The following SH3RF3 variants were observed in gnomAD, a reference collection of about 807,000 sequenced individuals.
SH3RF3 encodes the protein SH3 domain containing ring finger 3, also known as E3 ubiquitin-protein ligase SH3RF3.
In SH3RF3, 29 loss-of-function variants were observed where a neutral mutation model predicts 66.3. The ratio of observed to expected loss-of-function variants is 0.44; its 90% CI spans 0.33 to 0.60. The LOEUF (loss-of-function observed/expected upper bound fraction) is 0.60, where lower values mean the gene tolerates loss of function less well. Ranked by LOEUF, SH3RF3 falls within the 20% of genes least tolerant of loss-of-function variation. SH3RF3 has a pLI of 0.04. For missense variants in SH3RF3, 1,194 were observed against 1,190.9 expected, an observed-to-expected ratio of 1.00 and a Z score of -0.04; for synonymous variants, 583 against 532.0, an observed-to-expected ratio of 1.10 and a Z score of -1.32.
rs754333881 is a variant in SH3RF3, at chr2:109,347,976, G to A, written c.849+27G>A. On this transcript the variant is annotated intron_variant, in intron 2 of 9. Coordinates refer to ENST00000309415, the MANE Select transcript of SH3RF3 (RefSeq NM_001099289.3). ...TAAGGTGAGCCCCGGGGTGGGCCCC[G>A]CCAGCCCATGCAGCCTCTGTGCCAC... The A allele has an allele frequency of 7.0e-6, 11 of 1,569,150 alleles. No individual in the cohort carries two copies. The South Asian group carries it at 7.0e-5, about 10-fold the overall frequency.
rs72944076 is a variant in SH3RF3 at position 109,136,313 on chromosome 2, A to G, written c.573+6200A>G. Among the ~76,000 whole-genome samples, 1,474 of 152,246 alleles carry G rather than the reference A, an allele frequency of 9.7e-3. 22 individuals are homozygous for G. Among genetic ancestry groups the G allele is most frequent in the African/African-American group, 0.034 (1,392 of 41,544 alleles). On this transcript the variant is annotated intron_variant, in intron 1 of 9. Coordinates refer to ENST00000309415, the MANE Select transcript of SH3RF3 (RefSeq NM_001099289.3). Reference sequence around the variant, plus strand: ...GAAGAGGCCAAGGTCAATTTTTATCAGATTTGCCTTGCTTGGGAGATCTTC... The same window carrying G: ...GAAGAGGCCAAGGTCAATTTTTATCGGATTTGCCTTGCTTGGGAGATCTTC...
chr2:109,340,422 C>T (rs1387681250), intron 1 of SH3RF3, among the ~76,000 whole-genome samples: 1 of 152,136 alleles, frequency 6.6e-6, no homozygotes, highest in Non-Finnish European at 1.5e-5. Flanking sequence ...ATACCTCAAC[C>T]CTGAGGGTGA....
chr2:109,378,076 T>C (rs11687726), intron 3 of SH3RF3, among the ~76,000 whole-genome samples: 41,939 of 152,142 alleles, frequency 0.28, 6,727 homozygotes, highest in Non-Finnish European at 0.37. Context: ...AGGCGGGATG[T>C]GTTCAGGGAG....
intron 4 of SH3RF3, among the ~76,000 whole-genome samples, chr2:109,408,830 A>T (rs1458259933): frequency 6.6e-6 from 1 of 152,206 alleles, no homozygotes; most frequent in Non-Finnish European, 1.5e-5. Context: ...CTGGATGGAG[A>T]AGCCTCTGGC....
rs180728271 is a variant in SH3RF3 at position 109,423,319 on chromosome 2, C to T, written c.1403+3677C>T. Among the ~76,000 whole-genome samples the T allele has an allele frequency of 7.2e-5, 11 of 152,270 alleles. No individual in the cohort carries two copies. The East Asian group carries it at 1.3e-3, about 19-fold the overall frequency. On this transcript the variant is annotated intron_variant, in intron 5 of 9. Transcript: ENST00000309415. Reference sequence around the variant, plus strand: ...GGTGGTTGACACTGGTCATGTGAGACGTGCTCTCTGTCATGGCAGGGATGA... The same window carrying T: ...GGTGGTTGACACTGGTCATGTGAGATGTGCTCTCTGTCATGGCAGGGATGA...
At chr2:109,448,734 A>G (rs1364909982) in intron 7 of SH3RF3, among the ~76,000 whole-genome samples, 2 of 152,242 alleles carry the variant, frequency 1.3e-5, no homozygotes, top group East Asian at 3.8e-4. Context: ...AATAAAGTAC[A>G]TAACAAATGT....
chr2:109,336,243 G>A (rs547172214), intron 1 of SH3RF3, among the ~76,000 whole-genome samples: 38 of 152,346 alleles, frequency 2.5e-4, no homozygotes, highest in African/African-American at 9.1e-4. Flanking sequence ...GGGAAGAGGT[G>A]TCATGCTGGG....
At chr2:109,239,852 C>T (rs747645659) in intron 1 of SH3RF3, among the ~76,000 whole-genome samples, 11 of 152,270 alleles carry the variant, frequency 7.2e-5, no homozygotes, top group East Asian at 3.9e-4. Flanking sequence ...ACAGAATTTC[C>T]GACCGTCTCC....
intron 8 of SH3RF3, among the ~76,000 whole-genome samples, chr2:109,466,544 T>C (rs965897285): frequency 6.6e-6 from 1 of 152,256 alleles, no homozygotes; most frequent in African/African-American, 2.4e-5. Context: ...TCTCATTCTC[T>C]TGACAGTATC....
At chr2:109,327,795 G>A (rs1259456169) in intron 1 of SH3RF3, among the ~76,000 whole-genome samples, 1 of 152,336 alleles carries the variant, frequency 6.6e-6, no homozygotes, top group African/African-American at 2.4e-5. Context: ...TAGAAAAGCA[G>A]TTGACTTTTA....
chr2:109,130,679 C>G (rs568175613), intron 1 of SH3RF3, among the ~76,000 whole-genome samples: 2 of 152,190 alleles, frequency 1.3e-5, no homozygotes, highest in Non-Finnish European at 2.9e-5. Context: ...TGACCCAGCC[C>G]TTTTGGACTT....
chr2:109,278,499 A>G (rs1021881681), intron 1 of SH3RF3, among the ~76,000 whole-genome samples: 8 of 152,248 alleles, frequency 5.3e-5, no homozygotes, highest in Non-Finnish European at 7.3e-5. Context: ...ATGAGGCACA[A>G]GGATTCAGCA....
rs547369994 is a variant in SH3RF3 at position 109,498,929 on chromosome 2, C to T, written c.2481-2574C>T. Among the ~76,000 whole-genome samples, 4 of 152,184 alleles carry T rather than the reference C, an allele frequency of 2.6e-5. No individual in the cohort carries two copies. In the East Asian group the frequency reaches 5.8e-4, roughly 22 times the overall value. Reference sequence around the variant, plus strand: ...GCCCTGAGGTGGGTGCACCTGGGGTCGCTAGGGCGCGGCAGGGCAGAGCTG... The same window carrying T: ...GCCCTGAGGTGGGTGCACCTGGGGTTGCTAGGGCGCGGCAGGGCAGAGCTG... On this transcript the variant is annotated intron_variant, in intron 9 of 9. Coordinates refer to ENST00000309415, the MANE Select transcript of SH3RF3 (RefSeq NM_001099289.3).
At chr2:109,322,360 G>A (rs774360302) in intron 1 of SH3RF3, among the ~76,000 whole-genome samples, 4 of 152,198 alleles carry the variant, frequency 2.6e-5, no homozygotes, top group African/African-American at 4.8e-5. Flanking sequence ...AACATGTGCC[G>A]AAATGTTCCC....
intron 1 of SH3RF3, among the ~76,000 whole-genome samples, chr2:109,136,487 T>C (rs114346844): frequency 1.9e-3 from 283 of 152,274 alleles, no homozygotes; most frequent in South Asian, 9.1e-3. Context: ...GCCTCCCTTT[T>C]CCCATTGAGT....
intron 4 of SH3RF3, among the ~76,000 whole-genome samples, chr2:109,399,588 C>A (rs1300801107): frequency 1.3e-5 from 2 of 152,048 alleles, no homozygotes; most frequent in Admixed American, 1.3e-4. Context: ...TCAGCTTGGG[C>A]AAGACCCTGT....
At chr2:109,139,482 T>G (rs1303861408) in intron 1 of SH3RF3, among the ~76,000 whole-genome samples, 1 of 152,224 alleles carries the variant, frequency 6.6e-6, no homozygotes, top group African/African-American at 2.4e-5. Context: ...GGCATCCCCC[T>G]TGTGCCTTCT....
chr2:109,170,275 T>A (rs1677737535), intron 1 of SH3RF3, among the ~76,000 whole-genome samples: 1 of 107,770 alleles, frequency 9.3e-6, no homozygotes, highest in East Asian at 3.6e-4. Context: ...TTCTCTTCTC[T>A]TCTCTTCTCT....
intron 1 of SH3RF3, among the ~76,000 whole-genome samples, chr2:109,337,560 G>A (rs1287960572): frequency 6.6e-6 from 1 of 152,200 alleles, no homozygotes; most frequent in Non-Finnish European, 1.5e-5. Context: ...CTGCCCAAGA[G>A]GTCTGTGGAG....
Sources: gnomAD v4.1 joint callset for allele counts (sites outside exome capture counted in the v4.1 genomes callset) on GRCh38, gnomAD v4.1.1 for gene constraint, MANE v1.5 for transcripts, NCBI Gene and HGNC (gene_info 2026-07-23, HGNC 2026-07-21) for gene names.